The following TSPAN18 variants were observed in gnomAD, a reference collection of about 807,000 sequenced individuals.
TSPAN18 encodes the protein tetraspanin-18.
Under a neutral mutation model 27.3 loss-of-function variants are expected in TSPAN18, and 14 were observed. The ratio of observed to expected loss-of-function variants is 0.51; its 90% CI spans 0.34 to 0.80. The LOEUF (loss-of-function observed/expected upper bound fraction) is 0.80, where lower values mean the gene tolerates loss of function less well. TSPAN18 is among the 30% of genes least tolerant of loss of function. The pLI is 0.01. For missense variants in TSPAN18, 268 were observed against 323.9 expected (o/e 0.83, Z 1.32); for synonymous variants, 143 against 136.5 (o/e 1.05, Z -0.33).
At chr11:44,753,563 A>T (rs1352653088) in intron 1 of TSPAN18, among the ~76,000 whole-genome samples, 2 of 152,076 alleles carry the variant, frequency 1.3e-5, no homozygotes, top group African/African-American at 4.8e-5. Flanking sequence ...CTCACATTTT[A>T]TTGTAATCTC....
chr11:44,847,125 C>T (rs185778854), intron 2 of TSPAN18, among the ~76,000 whole-genome samples: 1 of 152,252 alleles, frequency 6.6e-6, no homozygotes, highest in Non-Finnish European at 1.5e-5. Flanking sequence ...TCCAGGAAGG[C>T]TTCAGGGATG....
At chr11:44,834,509 C>CTT (rs1162427727) in intron 2 of TSPAN18, among the ~76,000 whole-genome samples, 1 of 152,124 alleles carries the variant, frequency 6.6e-6, no homozygotes, top group East Asian at 1.9e-4. Context: ...AACCCAAGGC[C>CTT]TCACAAGGAG....
chr11:44,801,703 A>G (rs915510938), intron 2 of TSPAN18, among the ~76,000 whole-genome samples: 15 of 152,204 alleles, frequency 9.9e-5, no homozygotes, highest in African/African-American at 3.4e-4. Flanking sequence ...AGCCTTTTCA[A>G]GCCTTTATCT....
chr11:44,729,919 G>A (rs1380774178), intron 1 of TSPAN18, among the ~76,000 whole-genome samples: 5 of 152,124 alleles, frequency 3.3e-5, no homozygotes, highest in Non-Finnish European at 7.3e-5. Flanking sequence ...TGAGTCATCC[G>A]TGTGGCCTTG....
At chr11:44,854,490 G>A (rs75464343) in intron 2 of TSPAN18, among the ~76,000 whole-genome samples, 6,187 of 152,232 alleles carry the variant, frequency 0.041, 435 homozygotes, top group African/African-American at 0.14. Context: ...AGAACTCACT[G>A]CAAACTTTGC....
rs1858430025 is a variant in TSPAN18 at position 44,879,455 on chromosome 11, G to A, written c.-11+18986G>A. On this transcript the variant is annotated intron_variant, in intron 3 of 9. Transcript: ENST00000520358. ...GGACAGACAGTGATGGAGCGCGTGG[G>A]GTTTTGTGTGAGAGGGGCTTAGGGA... Among the ~76,000 whole-genome samples, 2 of 152,202 alleles carry A rather than the reference G, an allele frequency of 1.3e-5. 1 individual carries two copies. The highest frequency in any genetic ancestry group is 4.1e-4 in the South Asian group (2 of 4,836).
chr11:44,915,862 G>A (rs1410792387), intron 5 of TSPAN18, among the ~76,000 whole-genome samples: 1 of 152,208 alleles, frequency 6.6e-6, no homozygotes, highest in Non-Finnish European at 1.5e-5. Flanking sequence ...TGAGAACAGC[G>A]TCCGGTGCCC....
At chr11:44,737,540 A>G (rs77388639) in intron 1 of TSPAN18, among the ~76,000 whole-genome samples, 8,838 of 152,246 alleles carry the variant, frequency 0.058, 658 homozygotes, top group African/African-American at 0.18. Flanking sequence ...GTCTGCATTC[A>G]ATTTATAGGC....
chr11:44,731,752 G>A (rs891600685), intron 1 of TSPAN18, among the ~76,000 whole-genome samples: 4 of 151,906 alleles, frequency 2.6e-5, no homozygotes, highest in African/African-American at 9.7e-5. Context: ...TGAATGTTGT[G>A]ACTAGGCTCA....
At position 44,926,761 on chromosome 11, in the gene TSPAN18, A is replaced by G. The variant is rs1860373558; in HGVS notation, c.699+4A>G. On this transcript the variant is annotated splice_donor_region_variant and intron_variant, in intron 9 of 9. Coordinates refer to ENST00000520358, the MANE Select transcript of TSPAN18 (RefSeq NM_130783.5). The stretch of plus-strand genomic sequence containing the variant: ...CATCGGGGTACTGGCCATCGAGGTA[A>G]GTAAAGGCCCCCACTTCTGCCGCTC... 6.8e-6 allele frequency: 11 copies of G among 1,614,102 alleles called. No individual in the cohort carries two copies. Among genetic ancestry groups the G allele is most frequent in the Non-Finnish European group, 9.3e-6 (11 of 1,179,950 alleles).
intron 8 of TSPAN18, 101 bp from the exon 9 acceptor site, chr11:44,926,573 G>C (rs1860363263): frequency 9.3e-7 from 1 of 1,070,240 alleles, no homozygotes; most frequent in Admixed American, 1.7e-5. Flanking sequence ...TAGGGTGAGA[G>C]CTCTGGGGAC....
chr11:44,929,359 A>G lies in TSPAN18; in HGVS notation c.*181A>G. 1.4e-6 allele frequency: 1 copy of G among 730,532 alleles called. No individual in the cohort carries two copies. Among genetic ancestry groups the G allele is most frequent in the South Asian group, 1.8e-5 (1 of 54,472 alleles). 45.3% of individuals were successfully genotyped at this position (730,532 alleles called of 1,614,324 possible). On this transcript the variant is annotated 3_prime_UTR_variant, in exon 10 of 10. Coordinates refer to ENST00000520358, the MANE Select transcript of TSPAN18 (RefSeq NM_130783.5). Reference sequence around the variant, plus strand: ...TTTAACAAAACAAAATGAAGACAAAAATATGGACTGATGTATCCTCGCCTG... The same window carrying G: ...TTTAACAAAACAAAATGAAGACAAAGATATGGACTGATGTATCCTCGCCTG...
At chr11:44,818,088 C>A (rs1458204372) in intron 2 of TSPAN18, among the ~76,000 whole-genome samples, 1 of 152,212 alleles carries the variant, frequency 6.6e-6, no homozygotes, top group African/African-American at 2.4e-5. Context: ...ATATCTGTTC[C>A]CATTAGCCTT....
chr11:44,799,045 G>A (rs561023662), intron 2 of TSPAN18, among the ~76,000 whole-genome samples: 108 of 93,744 alleles, frequency 1.2e-3, no homozygotes, highest in Non-Finnish European at 1.3e-3. Context: ...AGGCAGTGCC[G>A]CCCCCTCCTC....
At chr11:44,746,250 AT>A (rs1855074096) in intron 1 of TSPAN18, among the ~76,000 whole-genome samples, 1 of 152,096 alleles carries the variant, frequency 6.6e-6, no homozygotes, top group Non-Finnish European at 1.5e-5. Context: ...CCCAAGACAA[AT>A]GCTTCTCTCT....
chr11:44,924,308 T>C (rs944226208), intron 8 of TSPAN18, among the ~76,000 whole-genome samples: 1 of 152,178 alleles, frequency 6.6e-6, no homozygotes, highest in Non-Finnish European at 1.5e-5. Flanking sequence ...TATCTCATTT[T>C]ATCCTCACAG....
At chr11:44,908,787 G>GAAAGAAAGAAAGAA (rs1859577229) in intron 4 of TSPAN18, among the ~76,000 whole-genome samples, 1 of 79,546 alleles carries the variant, frequency 1.3e-5, no homozygotes, top group Non-Finnish European at 2.5e-5. Flanking sequence ...AAGAAAGAAA[G>GAAAGAAAGAAAGAA]AAAGAAAGAA....
intron 3 of TSPAN18, among the ~76,000 whole-genome samples, chr11:44,883,125 C>T (rs769985836): frequency 6.6e-6 from 1 of 152,104 alleles, no homozygotes; most frequent in Non-Finnish European, 1.5e-5. Context: ...AGGATGAGAC[C>T]CACCTTCCCT....
intron 2 of TSPAN18, among the ~76,000 whole-genome samples, chr11:44,768,892 ATTTTTT>A (rs60616294): frequency 4.0e-5 from 4 of 101,234 alleles, no homozygotes; most frequent in African/African-American, 1.5e-4. Flanking sequence ...ATACTATTTG[ATTTTTT>A]TTTTTTTTTT....
Sources: allele counts gnomAD v4.1 joint callset (sites outside exome capture counted in the v4.1 genomes callset), GRCh38; gene constraint gnomAD v4.1.1; transcripts MANE v1.5; gene names NCBI Gene and HGNC (gene_info 2026-07-23, HGNC 2026-07-21).